Variants in NARS2 observed in about 807,000 individuals in gnomAD.
NARS2 encodes asparaginyl-tRNA synthetase 2, mitochondrial, also known as asparaginyl-tRNA synthetase.
In NARS2, 60 loss-of-function variants were observed where a neutral mutation model predicts 62.9. The ratio of observed to expected loss-of-function variants is 0.95; its 90% CI spans 0.77 to 1.18. The LOEUF is 1.18. Among genes scored for constraint, NARS2 ranks in the 50% most tolerant of loss-of-function variants. The pLI is 0.00. For missense variants in NARS2, 619 were observed against 576.4 expected (o/e 1.07, Z -0.76); for synonymous variants, 196 against 200.0 (o/e 0.98, Z 0.17).
intron 11 of NARS2, among the ~76,000 whole-genome samples, chr11:78,455,369 A>G (rs1858121431): frequency 6.6e-6 from 1 of 152,224 alleles, no homozygotes; most frequent in South Asian, 2.1e-4. Context: ...ACAAGTGTGT[A>G]ATTCCCTTTT....
In NARS2 at chr11:78,568,751, C is replaced by T. The variant is rs764120054; in HGVS notation, c.253G>A (p.Glu85Lys). 1.1e-5 allele frequency: 17 copies of T among 1,595,942 alleles called. No homozygotes were observed. In the Admixed American group the frequency reaches 2.1e-4, roughly 19 times the overall value. ...VVADSGLDSR[E>K]LNFGSSVEVQ... ...TCCACAGAACTCCCAAAATTTAATT[C>T]TCTATAGTAACAAAAAACAAGATAA... The change falls in exon 3 of 14, where the codon GAA becomes AAA. Residue 85 changes from glutamate (E) to lysine (K), a missense_variant and splice_region_variant. Physicochemically the swap from Glu to Lys is moderately conservative, Grantham distance 56. Transcript: ENST00000281038.
At chr11:78,469,222 T>C in intron 10 of NARS2, 25 bp downstream of exon 10, 1 of 1,514,576 alleles carries the variant, frequency 6.6e-7, no homozygotes, top group Non-Finnish European at 9.2e-7. Context: ...CACACACACA[T>C]ATATACATAC....
At position 78,441,401 on chromosome 11, in the gene NARS2, C is replaced by T. The variant is rs544210667; in HGVS notation, c.1263-284G>A. 2.6e-5 allele frequency among the ~76,000 whole-genome samples: 4 copies of T among 152,174 alleles called. No individual in the cohort carries two copies. The South Asian group carries it at 8.3e-4, about 32-fold the overall frequency. On this transcript the variant is annotated intron_variant, in intron 12 of 13. Coordinates refer to ENST00000281038, the MANE Select transcript of NARS2 (RefSeq NM_024678.6). ...GATTCACCTGAGATGAGTTTATTAT[C>T]CTGTGACATAAGAAAAGCACTATTA...
chr11:78,492,160 T>C (rs898304221), intron 7 of NARS2, among the ~76,000 whole-genome samples: 15 of 151,786 alleles, frequency 9.9e-5, no homozygotes, highest in Non-Finnish European at 2.9e-5. Context: ...CTACCTGATC[T>C]TCTCAAGTAG....
intron 12 of NARS2, among the ~76,000 whole-genome samples, chr11:78,443,051 T>C (rs564407554): frequency 2.6e-5 from 4 of 151,742 alleles, no homozygotes; most frequent in Admixed American, 2.0e-4. Flanking sequence ...GCTGGCCAGG[T>C]GCGGTGGCTC....
At chr11:78,469,145 TAA>T in intron 10 of NARS2, 100 bp downstream of exon 10, 1 of 777,064 alleles carries the variant, frequency 1.3e-6, no homozygotes, top group Non-Finnish European at 2.2e-6. Flanking sequence ...ATTTTGCTAA[TAA>T]GAGAATTAAG....
At chr11:78,551,165 T>C (rs1856090930) in intron 5 of NARS2, among the ~76,000 whole-genome samples, 1 of 152,142 alleles carries the variant, frequency 6.6e-6, no homozygotes, top group Non-Finnish European at 1.5e-5. Context: ...CCTGAGAACA[T>C]ACTGAAAACC....
intron 11 of NARS2, among the ~76,000 whole-genome samples, chr11:78,461,217 A>G (rs995182552): frequency 6.6e-6 from 1 of 152,212 alleles, no homozygotes; most frequent in Non-Finnish European, 1.5e-5. Context: ...GAGAATAAAC[A>G]GTAAGCAATA....
At chr11:78,468,495 C>T (rs922954259) in intron 10 of NARS2, among the ~76,000 whole-genome samples, 31 of 150,754 alleles carry the variant, frequency 2.1e-4, no homozygotes, top group African/African-American at 7.3e-4. Context: ...GACTCTGCCC[C>T]CCGGGTTCAT....
At chr11:78,573,766 G>A (rs1196575974) in intron 1 of NARS2, among the ~76,000 whole-genome samples, 2 of 152,180 alleles carry the variant, frequency 1.3e-5, no homozygotes, top group African/African-American at 4.8e-5. Flanking sequence ...TTCCATAAGA[G>A]GAAAATAAGG....
intron 5 of NARS2, among the ~76,000 whole-genome samples, chr11:78,535,126 A>G (rs74900140): frequency 0.029 from 4,423 of 152,344 alleles, 218 homozygotes; most frequent in African/African-American, 0.1. Context: ...GGGTAGCCAT[A>G]TAACTGTATC....
intron 8 of NARS2, 41 bp downstream of exon 8, chr11:78,478,535 TAACACATTA>T (rs1366792147): frequency 7.6e-7 from 1 of 1,307,938 alleles, no homozygotes. Flanking sequence ...TATGTATAAT[TAACACATTA>T]AACAGTAGAT....
chr11:78,465,211 G>A lies in NARS2; in HGVS notation c.1164+665C>T, dbSNP rs548398677. Among the ~76,000 whole-genome samples the A allele has an allele frequency of 4.9e-4, 74 of 152,274 alleles. 1 individual carries two copies. The highest frequency in any genetic ancestry group is 1.7e-3 in the African/African-American group (70 of 41,544). Reference sequence around the variant, plus strand: ...CTGCCCGGAGCAGGTGGGGCCCGCCGAGCCCACACCCACCTGGAACTCGCA... The same window carrying A: ...CTGCCCGGAGCAGGTGGGGCCCGCCAAGCCCACACCCACCTGGAACTCGCA... On this transcript the variant is annotated intron_variant, in intron 11 of 13. Coordinates refer to ENST00000281038, the MANE Select transcript of NARS2 (RefSeq NM_024678.6).
At chr11:78,460,405 C>A (rs1324725284) in intron 11 of NARS2, among the ~76,000 whole-genome samples, 4 of 151,662 alleles carry the variant, frequency 2.6e-5, no homozygotes, top group Non-Finnish European at 5.9e-5. Context: ...CTGTGCCCAG[C>A]CAGGATTTAC....
At chr11:78,440,534 T>A (rs1420647279) in intron 13 of NARS2, among the ~76,000 whole-genome samples, 1 of 150,160 alleles carries the variant, frequency 6.7e-6, no homozygotes, top group Admixed American at 6.6e-5. Context: ...TGACATAATA[T>A]AATTTTTTTT....
intron 5 of NARS2, among the ~76,000 whole-genome samples, chr11:78,540,768 A>G (rs1419456856): frequency 6.6e-6 from 1 of 152,254 alleles, no homozygotes; most frequent in Non-Finnish European, 1.5e-5. Context: ...TGTAAGCTCC[A>G]TATAACCACT....
intron 2 of NARS2, 54 bp downstream of exon 2, chr11:78,571,281 G>C: frequency 1.8e-6 from 2 of 1,098,016 alleles, no homozygotes; most frequent in Admixed American, 3.5e-5. Context: ...GAAGTGAGAA[G>C]CACTAGAGGT....
At chr11:78,503,211 G>GC (rs1860352922) in intron 6 of NARS2, among the ~76,000 whole-genome samples, 1 of 152,218 alleles carries the variant, frequency 6.6e-6, no homozygotes, top group African/African-American at 2.4e-5. Flanking sequence ...CTGTACTGCT[G>GC]CAAGTGTGCA....
intron 13 of NARS2, 80 bp from the exon 14 acceptor site, chr11:78,436,894 G>A (rs1410244090): frequency 1.6e-5 from 23 of 1,413,236 alleles, no homozygotes; most frequent in South Asian, 6.3e-5. Context: ...TGTTTCAAAC[G>A]TATTTTGCAA....
Sources: gnomAD v4.1 joint callset for allele counts (sites outside exome capture counted in the v4.1 genomes callset) on GRCh38, gnomAD v4.1.1 for gene constraint, MANE v1.5 for transcripts, NCBI Gene and HGNC (gene_info 2026-07-23, HGNC 2026-07-21) for gene names.